The following PIK3AP1 variants were observed in gnomAD, a reference collection of about 807,000 sequenced individuals.
The protein encoded by PIK3AP1 is phosphoinositide 3-kinase adapter protein 1.
A neutral mutation model predicts 88.1 loss-of-function variants in PIK3AP1; 21 were observed. The observed-to-expected ratio is 0.24, with a 90% CI of 0.17 to 0.34. The LOEUF (loss-of-function observed/expected upper bound fraction) is 0.34, where lower values mean the gene tolerates loss of function less well. Among genes scored for constraint, PIK3AP1 ranks in the 10% least tolerant of loss-of-function variants. The pLI, the probability that PIK3AP1 is intolerant of heterozygous loss-of-function variation, is 1.00. For synonymous variants in PIK3AP1, 398 were observed against 400.0 expected (o/e 1.00, Z 0.06); for missense variants, 828 against 1,035.7 (o/e 0.80, Z 2.75).
intron 12 of PIK3AP1, 90 bp downstream of exon 12, chr10:96,620,262 C>T (rs1357849763): frequency 1.5e-6 from 2 of 1,315,684 alleles, no homozygotes; most frequent in South Asian, 1.3e-5. Context: ...TGTCCAGGTA[C>T]AGCAATACAC....
chr10:96,671,400 T>C (rs947161419), intron 2 of PIK3AP1, among the ~76,000 whole-genome samples: 1 of 152,188 alleles, frequency 6.6e-6, no homozygotes, highest in Non-Finnish European at 1.5e-5. Context: ...ACCTTGGTCA[T>C]TGGGTAGTGA....
intron 2 of PIK3AP1, among the ~76,000 whole-genome samples, chr10:96,704,261 A>G (rs1844335012): frequency 6.6e-6 from 1 of 152,148 alleles, no homozygotes; most frequent in South Asian, 2.1e-4. Flanking sequence ...CCCTGATGTG[A>G]TGGTGCCTCC....
chr10:96,715,181 C>T (rs1484661376), intron 1 of PIK3AP1, among the ~76,000 whole-genome samples: 1 of 152,184 alleles, frequency 6.6e-6, no homozygotes, highest in African/African-American at 2.4e-5. Flanking sequence ...AAACCCAGCA[C>T]CCTGGTCTAA....
At chr10:96,597,670 G>A (rs1179684020) in intron 16 of PIK3AP1, among the ~76,000 whole-genome samples, 1 of 152,154 alleles carries the variant, frequency 6.6e-6, no homozygotes, top group Non-Finnish European at 1.5e-5. Flanking sequence ...TGATCCCTAC[G>A]TTGGAGTACC....
In PIK3AP1 at chr10:96,711,739, A is replaced by ATTTTTTTTTTTTTTTT. The variant is rs763923650; in HGVS notation, c.14-1772_14-1757dup. On this transcript the variant is annotated intron_variant, in intron 1 of 16. Transcript: ENST00000339364. The stretch of plus-strand genomic sequence containing the variant: ...ATTTCCCCCAGGATGAGATTACCAA[A>ATTTTTTTTTTTTTTTT]TTTTTTTTTTTTTTTTTTTTTTTTT... Among the ~76,000 whole-genome samples the ATTTTTTTTTTTTTTTT allele has an allele frequency of 3.2e-3, 211 of 66,446 alleles. 32 individuals carry two copies. Among genetic ancestry groups the ATTTTTTTTTTTTTTTT allele is most frequent in the African/African-American group, 0.014 (203 of 14,256 alleles). 43.6% of individuals were successfully genotyped at this position (66,446 alleles called of 152,430 possible).
At chr10:96,719,906 C>T (rs1844549057) in intron 1 of PIK3AP1, among the ~76,000 whole-genome samples, 1 of 152,172 alleles carries the variant, frequency 6.6e-6, no homozygotes, top group South Asian at 2.1e-4. Context: ...AGGAACGGGG[C>T]TTGGGGAACT....
intron 8 of PIK3AP1, among the ~76,000 whole-genome samples, chr10:96,631,052 C>T (rs758257711): frequency 1.3e-5 from 2 of 152,134 alleles, no homozygotes; most frequent in Non-Finnish European, 2.9e-5. Flanking sequence ...CAATGAAGCA[C>T]CAAGGAACTT....
intron 2 of PIK3AP1, among the ~76,000 whole-genome samples, chr10:96,677,375 C>T (rs1406060833): frequency 6.6e-6 from 1 of 152,106 alleles, no homozygotes; most frequent in Admixed American, 6.5e-5. Flanking sequence ...TGGGCGTTCT[C>T]ACACTCATAT....
intron 2 of PIK3AP1, among the ~76,000 whole-genome samples, chr10:96,701,429 C>G (rs1015358155): frequency 1.3e-5 from 2 of 152,172 alleles, no homozygotes; most frequent in Admixed American, 6.5e-5. Context: ...CCTTAGTTTT[C>G]TCATCTGCAA....
chr10:96,703,828 G>T (rs1844329639), intron 2 of PIK3AP1, among the ~76,000 whole-genome samples: 1 of 152,196 alleles, frequency 6.6e-6, no homozygotes, highest in African/African-American at 2.4e-5. Context: ...ATATTACAGT[G>T]CTGGAGGCTG....
chr10:96,610,383 T>C (rs1294299431), intron 13 of PIK3AP1, among the ~76,000 whole-genome samples: 3 of 152,210 alleles, frequency 2.0e-5, no homozygotes, highest in African/African-American at 7.2e-5. Context: ...TTATCATCAA[T>C]GCCAGCAGAA....
Position 96,628,875 on chromosome 10 carries a change from C to CACACACACATATATACAT in PIK3AP1, c.1376-383_1376-382insATGTATATATGTGTGTGT, listed in dbSNP as rs1564961141. ...ATATATACACACACACATATATACA[C>CACACACACATATATACAT]ATATATATATATACATATATATATA... On this transcript the variant is annotated intron_variant, in intron 8 of 16. Transcript: ENST00000339364. 8.6e-4 allele frequency among the ~76,000 whole-genome samples: 78 copies of CACACACACATATATACAT among 90,870 alleles called. 8 individuals carry two copies. Among genetic ancestry groups the CACACACACATATATACAT allele is most frequent in the Non-Finnish European group, 1.2e-3 (55 of 45,360 alleles). 59.6% of individuals were successfully genotyped at this position (90,870 alleles called of 152,430 possible). A position where few individuals can be genotyped will look rare whatever the true frequency, so the allele number is the denominator to read the frequency against.
chr10:96,625,702 A>C (rs7912622), intron 10 of PIK3AP1, among the ~76,000 whole-genome samples: 13,323 of 152,132 alleles, frequency 0.088, 1,965 homozygotes, highest in African/African-American at 0.3. Context: ...CAACATGATG[A>C]TACCATTGAA....
chr10:96,632,797 G>T, intron 8 of PIK3AP1: 3 of 1,498,168 alleles, frequency 2.0e-6, no homozygotes, highest in Non-Finnish European at 2.7e-6. Context: ...GGTTCCAATT[G>T]TGTTTTTCCC....
intron 12 of PIK3AP1, among the ~76,000 whole-genome samples, chr10:96,617,689 G>A (rs967322640): frequency 5.3e-5 from 8 of 152,158 alleles, no homozygotes; most frequent in East Asian, 1.9e-4. Flanking sequence ...GACAAATGCC[G>A]CAGAGCAGGA....
intron 2 of PIK3AP1, among the ~76,000 whole-genome samples, chr10:96,689,353 A>G (rs971542116): frequency 1.3e-5 from 2 of 151,584 alleles, no homozygotes; most frequent in African/African-American, 4.9e-5. Context: ...TCATGAGGCC[A>G]GGAGATCAAG....
chr10:96,606,404 C>T (rs886735804), intron 14 of PIK3AP1, among the ~76,000 whole-genome samples: 1 of 152,254 alleles, frequency 6.6e-6, no homozygotes, highest in African/African-American at 2.4e-5. Flanking sequence ...TATCTACTAG[C>T]AAGAAGTCAT....
At chr10:96,690,148 G>A (rs1844132195) in intron 2 of PIK3AP1, among the ~76,000 whole-genome samples, 1 of 152,212 alleles carries the variant, frequency 6.6e-6, no homozygotes, top group Admixed American at 6.5e-5. Flanking sequence ...TCTTTAGGAA[G>A]ACAGCAAAGT....
At chr10:96,630,672 TAA>T (rs368872141) in intron 8 of PIK3AP1, among the ~76,000 whole-genome samples, 2,647 of 143,012 alleles carry the variant, frequency 0.019, 25 homozygotes, top group Middle Eastern at 0.075. Flanking sequence ...CTGTCTCTAT[TAA>T]AAAAAAAAAG....
Sources: allele counts gnomAD v4.1 joint callset (sites outside exome capture counted in the v4.1 genomes callset), GRCh38; gene constraint gnomAD v4.1.1; transcripts MANE v1.5; gene names NCBI Gene and HGNC (gene_info 2026-07-23, HGNC 2026-07-21).